The following DNM3 variants were observed in gnomAD, a reference collection of about 807,000 sequenced individuals.
DNM3 encodes the protein dynamin 3, also known as dynamin-3.
In DNM3, 47 loss-of-function variants were observed where a neutral mutation model predicts 101.6. The ratio of observed to expected loss-of-function variants is 0.46; its 90% CI spans 0.37 to 0.59. The LOEUF is 0.59. Among genes scored for constraint, DNM3 ranks in the 20% least tolerant of loss-of-function variants. The pLI is 0.00. For missense variants in DNM3, 849 were observed against 1,085.7 expected (o/e 0.78, Z 3.06); for synonymous variants, 385 against 387.9 (o/e 0.99, Z 0.09).
chr1:171,873,728 C>T lies in DNM3; in HGVS notation c.161+31911C>T, dbSNP rs142734018. ...TCTTAACTATTAGACTTAAACCATA[C>T]GAAAAACTGTACGCTTTTTCTTTTC... On this transcript the variant is annotated intron_variant, in intron 1 of 20. Coordinates refer to ENST00000627582, the MANE Select transcript of DNM3 (RefSeq NM_015569.5). 1.7e-4 allele frequency among the ~76,000 whole-genome samples: 26 copies of T among 152,282 alleles called. No homozygotes were observed. In the East Asian group the frequency reaches 2.1e-3, roughly 12 times the overall value.
chr1:172,017,392 G>A (rs2047519799), intron 4 of DNM3, among the ~76,000 whole-genome samples: 1 of 151,996 alleles, frequency 6.6e-6, no homozygotes, highest in Admixed American at 6.6e-5. Context: ...AATTTGGTAA[G>A]TTGTATTTTC....
At chr1:172,354,146 A>AG (rs1553242910) in intron 17 of DNM3, among the ~76,000 whole-genome samples, 3 of 150,912 alleles carry the variant, frequency 2.0e-5, no homozygotes, top group Non-Finnish European at 3.0e-5. Context: ...AGAGAGAAAT[A>AG]AGACATTTTT....
intron 14 of DNM3, among the ~76,000 whole-genome samples, chr1:172,233,829 A>T (rs2061432185): frequency 6.6e-6 from 1 of 152,250 alleles, no homozygotes; most frequent in Non-Finnish European, 1.5e-5. Flanking sequence ...GGCCTTTGAC[A>T]AAATTCAACA....
At chr1:171,860,967 G>T (rs2034115395) in intron 1 of DNM3, among the ~76,000 whole-genome samples, 1 of 152,060 alleles carries the variant, frequency 6.6e-6, no homozygotes, top group Admixed American at 6.6e-5. Flanking sequence ...CAGGTGGTTG[G>T]ATATAAGAGC....
chr1:172,232,464 C>T (rs1441113617), intron 14 of DNM3, among the ~76,000 whole-genome samples: 2 of 152,232 alleles, frequency 1.3e-5, no homozygotes, highest in African/African-American at 4.8e-5. Context: ...CCACTGTCAA[C>T]ATAAGACAGA....
At chr1:172,267,021 A>G (rs1270764574) in intron 15 of DNM3, among the ~76,000 whole-genome samples, 1 of 152,242 alleles carries the variant, frequency 6.6e-6, no homozygotes, top group Non-Finnish European at 1.5e-5. Flanking sequence ...CTCAGGCATG[A>G]GTAGTGTTAC....
chr1:172,033,158 A>C lies in DNM3; in HGVS notation c.742A>C (p.Ile248Leu), dbSNP rs2048735705. 6.2e-7 allele frequency: 1 copy of C among 1,612,500 alleles called. No individual in the cohort carries two copies. The highest frequency in any genetic ancestry group is 8.5e-7 in the Non-Finnish European group (1 of 1,179,270). The stretch of plus-strand genomic sequence containing the variant: ...GAAGGACATAGATGGGAAGAAGGAC[A>C]TAAAGGCAGCCATGCTGGCAGAGAG... The part of the protein sequence containing the change: ...SQKDIDGKKD[I>L]KAAMLAERKF... The change falls in exon 6 of 21, where the codon ATA becomes CTA. Residue 248 changes from isoleucine (I) to leucine (L), a missense_variant. By Grantham distance (5) the Ile-to-Leu change is conservative. Coordinates refer to ENST00000627582, the MANE Select transcript of DNM3 (RefSeq NM_015569.5).
At chr1:172,191,916 G>A (rs1297477269) in intron 14 of DNM3, among the ~76,000 whole-genome samples, 1 of 152,112 alleles carries the variant, frequency 6.6e-6, no homozygotes, top group Non-Finnish European at 1.5e-5. Context: ...GAGATTTGGG[G>A]CTGAGATGAC....
chr1:172,112,566 G>T (rs1369797716), intron 13 of DNM3, among the ~76,000 whole-genome samples: 2 of 152,144 alleles, frequency 1.3e-5, no homozygotes, highest in Admixed American at 6.5e-5. Context: ...CCATTTTCCA[G>T]TATGTGCCAT....
At chr1:171,892,430 G>A (rs1305408523) in intron 1 of DNM3, among the ~76,000 whole-genome samples, 2 of 152,146 alleles carry the variant, frequency 1.3e-5, no homozygotes, top group African/African-American at 4.8e-5. Flanking sequence ...ACCAACCTGT[G>A]TATATACACA....
intron 14 of DNM3, among the ~76,000 whole-genome samples, chr1:172,146,102 C>T (rs1403110392): frequency 6.6e-6 from 1 of 152,172 alleles, no homozygotes; most frequent in African/African-American, 2.4e-5. Context: ...ATTTGACCAA[C>T]CAGACTAAGA....
chr1:172,160,579 C>T (rs1407456481), intron 14 of DNM3, among the ~76,000 whole-genome samples: 1 of 151,994 alleles, frequency 6.6e-6, no homozygotes, highest in East Asian at 1.9e-4. Context: ...GTGGCAGTAA[C>T]ATGCATGGAA....
chr1:172,281,668 AT>A (rs555070263), intron 15 of DNM3, among the ~76,000 whole-genome samples: 3 of 151,856 alleles, frequency 2.0e-5, no homozygotes, highest in African/African-American at 4.8e-5. Flanking sequence ...TGATCTTAGG[AT>A]TTTTTTTCAG....
At chr1:172,001,320 T>C (rs1265637816) in intron 4 of DNM3, among the ~76,000 whole-genome samples, 1 of 152,022 alleles carries the variant, frequency 6.6e-6, no homozygotes, top group Non-Finnish European at 1.5e-5. Flanking sequence ...GCAGTGTCAC[T>C]GACATCTGCT....
intron 1 of DNM3, among the ~76,000 whole-genome samples, chr1:171,902,103 T>A (rs1407544591): frequency 1.3e-5 from 2 of 152,228 alleles, no homozygotes; most frequent in Non-Finnish European, 2.9e-5. Context: ...CAAGAATTAA[T>A]AACCCCATTC....
At position 172,048,744 on chromosome 1, in the gene DNM3, C is replaced by G; in HGVS notation, c.1329C>G (p.Thr443=). 1 of 1,609,358 alleles carries G rather than the reference C, an allele frequency of 6.2e-7. No homozygotes were observed. Among genetic ancestry groups the G allele is most frequent in the Non-Finnish European group, 8.5e-7 (1 of 1,178,110 alleles). ...QELINTVKKC[T]KKLANFPRLC... ...TAATCAACACTGTGAAGAAGTGTACCAAAAAAGTAAGTTCGAATTATTTAA... is the reference window on the plus strand; with the variant it reads ...TAATCAACACTGTGAAGAAGTGTACGAAAAAAGTAAGTTCGAATTATTTAA... Residue 443 remains threonine, a synonymous_variant, in exon 10 of 21, where the codon ACC becomes ACG. Coordinates refer to ENST00000627582, the MANE Select transcript of DNM3 (RefSeq NM_015569.5).
intron 19 of DNM3, 89 bp downstream of exon 19, chr1:172,387,448 G>C: frequency 9.5e-7 from 1 of 1,054,240 alleles, no homozygotes. Context: ...ACGAGGTCAG[G>C]AGATCGAGAC....
chr1:172,027,617 C>CACACACACACACAGAGAG lies in DNM3; in HGVS notation c.590-4784_590-4783insCACACACACACAGAGAGA, dbSNP rs34981346. On this transcript the variant is annotated intron_variant, in intron 4 of 20. Coordinates refer to ENST00000627582, the MANE Select transcript of DNM3 (RefSeq NM_015569.5). ...ACACACACACACACACACACACACA[C>CACACACACACACAGAGAG]AGAGAGAGAGAAATTGGATACAGAG... Among the ~76,000 whole-genome samples, 85 of 147,126 alleles carry CACACACACACACAGAGAG rather than the reference C, an allele frequency of 5.8e-4. 1 individual carries two copies. The highest frequency in any genetic ancestry group is 2.1e-3 in the African/African-American group (82 of 38,678).
chr1:171,851,865 A>G (rs546829503), intron 1 of DNM3, among the ~76,000 whole-genome samples: 8 of 152,348 alleles, frequency 5.3e-5, no homozygotes, highest in African/African-American at 1.9e-4. Flanking sequence ...TTAGTTGCAT[A>G]TTTGTATATG....
Sources: allele counts gnomAD v4.1 joint callset (sites outside exome capture counted in the v4.1 genomes callset), GRCh38; gene constraint gnomAD v4.1.1; transcripts MANE v1.5; gene names NCBI Gene and HGNC (gene_info 2026-07-23, HGNC 2026-07-21).